The following MYLK4 variants were observed in gnomAD, a reference collection of about 807,000 sequenced individuals.
MYLK4 encodes caMLCK like.
Under a neutral mutation model 48.1 loss-of-function variants are expected in MYLK4, and 46 were observed. That is an observed-to-expected ratio of 0.96 (90% CI 0.75 to 1.22). MYLK4 has a LOEUF of 1.22. Ranked by LOEUF, MYLK4 falls within the 50% of genes most tolerant of loss-of-function variation. The pLI is 0.00. For synonymous variants in MYLK4, 170 were observed against 180.8 expected (o/e 0.94, Z 0.48); for missense variants, 451 against 486.1 (o/e 0.93, Z 0.68).
chr6:2,694,254 C>T (rs1220916672), intron 2 of MYLK4, among the ~76,000 whole-genome samples: 1 of 151,956 alleles, frequency 6.6e-6, no homozygotes, highest in Non-Finnish European at 1.5e-5. Context: ...TCTGCAGGGA[C>T]AATGGGCTGC....
intron 2 of MYLK4, among the ~76,000 whole-genome samples, chr6:2,725,567 G>T (rs1582100158): frequency 8.0e-6 from 1 of 125,310 alleles, no homozygotes; most frequent in East Asian, 2.1e-4. Flanking sequence ...AAGAAAGAAA[G>T]AAAGAAAGAA....
chr6:2,700,147 G>C (rs547702288), intron 2 of MYLK4, among the ~76,000 whole-genome samples: 2 of 152,168 alleles, frequency 1.3e-5, no homozygotes, highest in African/African-American at 4.8e-5. Context: ...AAAACGCTGA[G>C]TCCTCTGACT....
At position 2,683,096 on chromosome 6, in the gene MYLK4, G is replaced by A. The variant is rs746542346; in HGVS notation, c.612C>T (p.Thr204=). ...DESYNLTELD[T]ILFMKQICEG... ...CACATATCTGCTTCATGAACAGGAT[G>A]GTATCAAGCTCCGTCAAATTGTAGC... The change falls in exon 7 of 13, where the codon ACC becomes ACT. Residue 204 remains threonine (T), a synonymous_variant. Transcript: ENST00000274643. The A allele has an allele frequency of 3.1e-6, 5 of 1,614,084 alleles. No individual in the cohort carries two copies. In the East Asian group the frequency reaches 1.1e-4, roughly 36 times the overall value.
At chr6:2,756,169 C>T in the MYLK4 span, among the ~76,000 whole-genome samples, 16 of 152,068 alleles carry the variant, frequency 1.1e-4, no homozygotes, top group Admixed American at 4.6e-4. Flanking sequence ...TCTGCCATTT[C>T]TTCTATACTT....
chr6:2,682,772 C>T (rs950598612), intron 7 of MYLK4, among the ~76,000 whole-genome samples: 6 of 152,138 alleles, frequency 3.9e-5, no homozygotes, highest in Non-Finnish European at 8.8e-5. Context: ...TTTAGGGAAA[C>T]CATTGCCATA....
At chr6:2,700,506 C>A (rs911553438) in intron 2 of MYLK4, among the ~76,000 whole-genome samples, 2 of 152,196 alleles carry the variant, frequency 1.3e-5, no homozygotes, top group Non-Finnish European at 2.9e-5. Context: ...GCAATTATAA[C>A]AACACTGGAA....
At chr6:2,714,658 C>T (rs78453988) in intron 2 of MYLK4, among the ~76,000 whole-genome samples, 2 of 152,162 alleles carry the variant, frequency 1.3e-5, no homozygotes, top group African/African-American at 2.4e-5. Context: ...TATTTGTACA[C>T]GTGTGTTCAT....
chr6:2,724,238 G>A (rs1447540630), intron 2 of MYLK4, among the ~76,000 whole-genome samples: 1 of 152,058 alleles, frequency 6.6e-6, no homozygotes, highest in African/African-American at 2.4e-5. Flanking sequence ...GCTACAGATG[G>A]GCGATACACA....
Position 2,666,277 on chromosome 6 carries a change from G to C in MYLK4, c.*1648C>G, listed in dbSNP as rs1760648688. On this transcript the variant is annotated 3_prime_UTR_variant, in exon 13 of 13. Coordinates refer to ENST00000274643, the MANE Select transcript of MYLK4 (RefSeq NM_001012418.5). Reference sequence around the variant, plus strand: ...AAAGTGAAACTGCCATCCCTCATGAGGCCACCAAGTAATTCTTATGCCTTT... The same window carrying C: ...AAAGTGAAACTGCCATCCCTCATGACGCCACCAAGTAATTCTTATGCCTTT... 6.6e-6 allele frequency: 1 copy of C among 152,170 alleles called. No individual in the cohort carries two copies. Among genetic ancestry groups the C allele is most frequent in the South Asian group, 2.1e-4 (1 of 4,824 alleles). 9.4% of individuals were successfully genotyped at this position (152,170 alleles called of 1,614,324 possible). A position where few individuals can be genotyped will look rare whatever the true frequency, so the allele number is the denominator to read the frequency against.
At chr6:2,707,092 C>A (rs574974580) in intron 2 of MYLK4, among the ~76,000 whole-genome samples, 1 of 152,156 alleles carries the variant, frequency 6.6e-6, no homozygotes, top group Non-Finnish European at 1.5e-5. Context: ...CAAAGCAACA[C>A]GGGACAGTAT....
the MYLK4 span, among the ~76,000 whole-genome samples, chr6:2,766,659 G>A: frequency 1.4e-4 from 21 of 152,332 alleles, no homozygotes; most frequent in African/African-American, 5.1e-4. Flanking sequence ...GGTAAGGCAG[G>A]CTTGCCGGGT....
intron 2 of MYLK4, among the ~76,000 whole-genome samples, chr6:2,731,354 G>A (rs1763472889): frequency 6.6e-6 from 1 of 152,146 alleles, no homozygotes; most frequent in South Asian, 2.1e-4. Context: ...TGGATAAGGG[G>A]CCCCAGTTTC....
At chr6:2,716,709 T>TC (rs1383257526) in intron 2 of MYLK4, among the ~76,000 whole-genome samples, 1 of 152,202 alleles carries the variant, frequency 6.6e-6, no homozygotes, top group East Asian at 1.9e-4. Flanking sequence ...TAGGTTCAAA[T>TC]CCTGACTTGG....
At chr6:2,674,656 G>A (rs748375754) in intron 11 of MYLK4, among the ~76,000 whole-genome samples, 6 of 152,130 alleles carry the variant, frequency 3.9e-5, no homozygotes, top group Non-Finnish European at 8.8e-5. Context: ...GGTGGATCAC[G>A]AGGTCAGGGG....
chr6:2,675,250 T>C, intron 10 of MYLK4, 125 bp from the exon 11 acceptor site: 1 of 702,582 alleles, frequency 1.4e-6, no homozygotes, highest in Non-Finnish European at 2.6e-6. Context: ...TCATGGTCAA[T>C]TCTGCCTTCT....
intron 2 of MYLK4, among the ~76,000 whole-genome samples, chr6:2,713,068 T>G (rs1762731922): frequency 6.6e-6 from 1 of 152,068 alleles, no homozygotes; most frequent in African/African-American, 2.4e-5. Flanking sequence ...AAAGCGCTTT[T>G]GGAAAAAGAA....
intron 7 of MYLK4, 184 bp from the exon 8 acceptor site, chr6:2,680,475 C>G (rs1189517929): frequency 2.0e-6 from 2 of 985,272 alleles, no homozygotes; most frequent in Non-Finnish European, 2.4e-6. Context: ...TGCGGGTATC[C>G]TGCCAACCCT....
At chr6:2,746,157 C>T (rs1157829366) in intron 2 of MYLK4, among the ~76,000 whole-genome samples, 1 of 151,516 alleles carries the variant, frequency 6.6e-6, no homozygotes, top group Non-Finnish European at 1.5e-5. Flanking sequence ...ATCCCGGCTA[C>T]TCAGGAGGCT....
At chr6:2,723,249 C>T (rs1219952955) in intron 2 of MYLK4, among the ~76,000 whole-genome samples, 2 of 152,156 alleles carry the variant, frequency 1.3e-5, no homozygotes, top group African/African-American at 4.8e-5. Flanking sequence ...GCTGAGATCA[C>T]GTCACCGCAC....
Sources: allele counts gnomAD v4.1 joint callset (sites outside exome capture counted in the v4.1 genomes callset), GRCh38; gene constraint gnomAD v4.1.1; transcripts MANE v1.5; gene names NCBI Gene and HGNC (gene_info 2026-07-23, HGNC 2026-07-21).